PCGF3: variants seen among roughly 807,000 people sequenced by gnomAD.
PCGF3 encodes polycomb group ring finger 3, also known as polycomb group RING finger protein 3.
In PCGF3, 7 loss-of-function variants were observed where a neutral mutation model predicts 33.1. That is an observed-to-expected ratio of 0.21 (90% CI 0.12 to 0.40). The LOEUF (loss-of-function observed/expected upper bound fraction) is 0.40, where lower values mean the gene tolerates loss of function less well. Ranked by LOEUF, PCGF3 falls within the 10% of genes least tolerant of loss-of-function variation. The pLI, the probability that PCGF3 is intolerant of heterozygous loss-of-function variation, is 1.00. For synonymous variants in PCGF3, 153 were observed against 121.3 expected, an observed-to-expected ratio of 1.26 and a Z score of -1.72; for missense variants, 211 against 313.3, an observed-to-expected ratio of 0.67 and a Z score of 2.46.
At chr4:722,960 C>T (rs1159206629) in intron 1 of PCGF3, among the ~76,000 whole-genome samples, 13 of 146,750 alleles carry the variant, frequency 8.9e-5, no homozygotes, top group Admixed American at 5.4e-4. Flanking sequence ...ATCGCCCGCC[C>T]GCGCCGGGTC....
chr4:715,984 T>G (rs1354583881), intron 1 of PCGF3, among the ~76,000 whole-genome samples: 100 of 70,988 alleles, frequency 1.4e-3, no homozygotes, highest in Non-Finnish European at 2.0e-3. Flanking sequence ...AGACACTGAG[T>G]GTGAGAACTG....
chr4:713,126 T>C (rs1742646570), intron 1 of PCGF3, among the ~76,000 whole-genome samples: 1 of 149,110 alleles, frequency 6.7e-6, no homozygotes, highest in African/African-American at 2.5e-5. Context: ...TGGTGGGGGC[T>C]GTGGCCTCGT....
chr4:758,141 T>TG (rs1321256472), intron 8 of PCGF3, among the ~76,000 whole-genome samples: 1 of 122,088 alleles, frequency 8.2e-6, no homozygotes. Context: ...GCATCCAGCC[T>TG]GGCTACAGAG....
chr4:714,754 G>A (rs759575940), intron 1 of PCGF3, among the ~76,000 whole-genome samples: 9 of 152,244 alleles, frequency 5.9e-5, no homozygotes, highest in Non-Finnish European at 1.2e-4. Flanking sequence ...AGTCTCAGCT[G>A]GAGAAAGCTG....
intron 5 of PCGF3, among the ~76,000 whole-genome samples, chr4:736,562 C>T (rs1267340563): frequency 8.2e-6 from 1 of 121,722 alleles, no homozygotes; most frequent in Non-Finnish European, 1.8e-5. Flanking sequence ...TCCGCAGGGA[C>T]GGTGTCCCCT....
intron 1 of PCGF3, among the ~76,000 whole-genome samples, chr4:707,868 T>G (rs1280927468): frequency 9.1e-6 from 1 of 110,090 alleles, no homozygotes; most frequent in Non-Finnish European, 2.0e-5. Flanking sequence ...CAGCCCTGTT[T>G]TCACCTGGGG....
chr4:766,349 C>T (rs935674889), exon 11 of PCGF3: 3 of 379,776 alleles, frequency 7.9e-6, no homozygotes, highest in African/African-American at 2.1e-5. Flanking sequence ...AGTGATGCTC[C>T]AGGCAACACG....
intron 9 of PCGF3, among the ~76,000 whole-genome samples, chr4:764,019 C>A (rs1384463477): frequency 2.6e-5 from 4 of 152,168 alleles, no homozygotes; most frequent in Admixed American, 2.0e-4. Flanking sequence ...GCAGAACCAT[C>A]CGGAGGCTGC....
chr4:712,126 T>C (rs1742596547), intron 1 of PCGF3, among the ~76,000 whole-genome samples: 2 of 152,222 alleles, frequency 1.3e-5, no homozygotes, highest in Non-Finnish European at 2.9e-5. Flanking sequence ...AAATTGAAAT[T>C]ATTTTTAATT....
At chr4:712,343 A>G (rs1742605320) in intron 1 of PCGF3, among the ~76,000 whole-genome samples, 1 of 152,282 alleles carries the variant, frequency 6.6e-6, no homozygotes, top group Admixed American at 6.5e-5. Flanking sequence ...ATTGACAGGA[A>G]CTCACACTCT....
Position 738,963 on chromosome 4 carries a change from C to T in PCGF3, c.262+1442C>T, listed in dbSNP as rs139347864. 8.7e-3 allele frequency among the ~76,000 whole-genome samples: 1,327 copies of T among 152,298 alleles called. 19 individuals carry two copies. The highest frequency in any genetic ancestry group is 0.029 in the African/African-American group (1,195 of 41,554). On this transcript the variant is annotated intron_variant, in intron 6 of 10. Transcript: ENST00000362003. ...CGAGTTTTGTGACCACCACCCCCCG[C>T]CAGCAGTTTCTAGGCGTGGCCGTCC...
chr4:761,199 G>C (rs1473299669), intron 8 of PCGF3, 80 bp from the exon 9 acceptor site: 3 of 1,243,526 alleles, frequency 2.4e-6, no homozygotes, highest in Non-Finnish European at 3.3e-6. Context: ...TGAGGAATTA[G>C]TGAAATATGT....
intron 9 of PCGF3, among the ~76,000 whole-genome samples, chr4:763,967 G>A (rs1455397177): frequency 6.6e-6 from 1 of 152,178 alleles, no homozygotes; most frequent in East Asian, 1.9e-4. Context: ...AAAGGCTGTA[G>A]GCCGTGCGAC....
At position 734,233 on chromosome 4, in the gene PCGF3, T is replaced by C. The variant is rs528209652; in HGVS notation, c.109+444T>C. 1.2e-5 allele frequency: 18 copies of C among 1,500,830 alleles called. No homozygotes were observed. In the East Asian group the frequency reaches 4.5e-4, roughly 37 times the overall value. 93.0% of individuals were successfully genotyped at this position (1,500,830 alleles called of 1,614,324 possible). On this transcript the variant is annotated intron_variant, in intron 4 of 10. Transcript: ENST00000362003. ...TCACACCTGGGGCTGGACCTGAGTGTTTTTCTAAGTGTGGCTACCGCTGAC... is the reference window on the plus strand; with the variant it reads ...TCACACCTGGGGCTGGACCTGAGTGCTTTTCTAAGTGTGGCTACCGCTGAC...
chr4:741,412 T>G (rs976148213), intron 6 of PCGF3, among the ~76,000 whole-genome samples: 2 of 152,228 alleles, frequency 1.3e-5, no homozygotes, highest in Non-Finnish European at 2.9e-5. Context: ...TATTTATTTA[T>G]TCAATCATTT....
rs1230535133 is a variant in PCGF3 at position 721,825 on chromosome 4, A to T, written c.-189-8805A>T. Among the ~76,000 whole-genome samples, 1 of 126,812 alleles carries T rather than the reference A, an allele frequency of 7.9e-6. No homozygotes were observed. The highest frequency in any genetic ancestry group is 3.2e-5 in the African/African-American group (1 of 31,058). The allele number at this position is 126,812 out of a possible 152,430, so 83.2% of individuals were successfully genotyped here. ...GGAGGGGCCTGTGGGAGGTGGGTGGATGGGTGTCTCTGCATGTGGGTGTGG... is the reference window on the plus strand; with the variant it reads ...GGAGGGGCCTGTGGGAGGTGGGTGGTTGGGTGTCTCTGCATGTGGGTGTGG... On this transcript the variant is annotated intron_variant, in intron 1 of 10. Transcript: ENST00000362003. This position sits in a 1 kb window ranked among gnomAD's most constrained non-coding sequence, Gnocchi z 4.1.
At chr4:715,915 G>T (rs878939654) in intron 1 of PCGF3, among the ~76,000 whole-genome samples, 1 of 119,734 alleles carries the variant, frequency 8.4e-6, no homozygotes, top group Admixed American at 8.6e-5. Flanking sequence ...ACTGGGCGTC[G>T]GTGCTGGGAC....
At chr4:726,672 A>C (rs1577406549) in intron 1 of PCGF3, among the ~76,000 whole-genome samples, 2 of 149,264 alleles carry the variant, frequency 1.3e-5, no homozygotes, top group Admixed American at 6.7e-5. Context: ...GTCCTCACCC[A>C]CCCGGCCCTG....
At chr4:743,438 C>CT (rs756240321) in intron 6 of PCGF3, 36 bp from the exon 7 acceptor site, 2 of 1,219,358 alleles carry the variant, frequency 1.6e-6, no homozygotes, top group African/African-American at 3.0e-5. Flanking sequence ...AATCCACTGC[C>CT]TGTGAGATGA....
Sources: gnomAD v4.1 joint callset for allele counts (sites outside exome capture counted in the v4.1 genomes callset) on GRCh38, gnomAD v4.1.1 for gene constraint, Gnocchi (gnomAD v3.1) non-coding constraint, MANE v1.5 for transcripts, NCBI Gene and HGNC (gene_info 2026-07-23, HGNC 2026-07-21) for gene names.